Variants in GRID2 observed in about 807,000 individuals in gnomAD.
The protein encoded by GRID2 is glutamate ionotropic receptor delta type subunit 2.
GRID2 carries 33 observed loss-of-function variants against 114.8 expected under a neutral mutation model. That is an observed-to-expected ratio of 0.29 (90% confidence interval 0.22 to 0.38). The LOEUF is 0.38. Ranked by LOEUF, GRID2 falls within the 10% of genes least tolerant of loss-of-function variation. The probability of loss-of-function intolerance (pLI) is 1.00; values close to 1 mark genes in which losing one functional copy is unlikely to be tolerated. For missense variants in GRID2, 1,184 were observed against 1,257.7 expected, an observed-to-expected ratio of 0.94 and a Z score of 0.89; for synonymous variants, 505 against 449.9, an observed-to-expected ratio of 1.12 and a Z score of -1.55.
chr4:92,503,764 T>A (rs1289672706), intron 1 of GRID2, among the ~76,000 whole-genome samples: 2 of 152,134 alleles, frequency 1.3e-5, no homozygotes, highest in Non-Finnish European at 2.9e-5. Context: ...TTTCCTACTT[T>A]ATAAAGCTAG....
At chr4:92,667,477 A>G (rs1560521241) in intron 2 of GRID2, among the ~76,000 whole-genome samples, 1 of 150,376 alleles carries the variant, frequency 6.6e-6, no homozygotes, top group Non-Finnish European at 1.5e-5. Flanking sequence ...GATACACATT[A>G]TTTTTAATTT....
At chr4:92,667,279 T>A (rs1732836872) in intron 2 of GRID2, among the ~76,000 whole-genome samples, 1 of 151,620 alleles carries the variant, frequency 6.6e-6, no homozygotes, top group South Asian at 2.1e-4. Context: ...AGAATTCTCT[T>A]ATTTTGAGTT....
At chr4:93,331,695 CA>C (rs1180815123) in intron 8 of GRID2, among the ~76,000 whole-genome samples, 1 of 152,000 alleles carries the variant, frequency 6.6e-6, no homozygotes, top group Non-Finnish European at 1.5e-5. Context: ...GTTAATATAG[CA>C]AAATGCATTA....
intron 10 of GRID2, among the ~76,000 whole-genome samples, chr4:93,447,497 A>G (rs1389990545): frequency 6.6e-6 from 1 of 152,010 alleles, no homozygotes; most frequent in East Asian, 1.9e-4. Flanking sequence ...CACAATTAAG[A>G]AAAATTTTCA....
chr4:92,416,763 G>T (rs1344698249), intron 1 of GRID2, among the ~76,000 whole-genome samples: 5 of 151,864 alleles, frequency 3.3e-5, no homozygotes, highest in Non-Finnish European at 5.9e-5. Flanking sequence ...ATTGGTCTAG[G>T]TGCCTATTTT....
chr4:93,429,645 A>G (rs367559143), intron 10 of GRID2, among the ~76,000 whole-genome samples: 5 of 152,342 alleles, frequency 3.3e-5, no homozygotes, highest in African/African-American at 1.2e-4. Context: ...CAAGGAAAAT[A>G]GATCCAACAA....
intron 2 of GRID2, among the ~76,000 whole-genome samples, chr4:92,835,319 G>A (rs1742380537): frequency 6.6e-6 from 1 of 152,064 alleles, no homozygotes; most frequent in Non-Finnish European, 1.5e-5. Context: ...ATTTTTGGAG[G>A]CTGCATAAGA....
chr4:93,672,151 G>A (rs1724478552), intron 14 of GRID2, among the ~76,000 whole-genome samples: 1 of 152,134 alleles, frequency 6.6e-6, no homozygotes. Flanking sequence ...GATCCAGCAG[G>A]AGCCTGTGCC....
intron 10 of GRID2, among the ~76,000 whole-genome samples, chr4:93,447,548 T>C (rs1307033909): frequency 2.0e-5 from 3 of 151,944 alleles, no homozygotes; most frequent in Non-Finnish European, 2.9e-5. Flanking sequence ...ATCGTAATTA[T>C]TTGAAAGAAA....
At chr4:92,896,569 T>C (rs143124313) in intron 2 of GRID2, among the ~76,000 whole-genome samples, 1 of 150,802 alleles carries the variant, frequency 6.6e-6, no homozygotes, top group East Asian at 1.9e-4. Flanking sequence ...TATATATATA[T>C]ATATAGTCAA....
chr4:93,346,986 C>T (rs1760304996), intron 8 of GRID2, among the ~76,000 whole-genome samples: 1 of 152,144 alleles, frequency 6.6e-6, no homozygotes. Flanking sequence ...CTGCTCCTAT[C>T]AGAGACCATC....
chr4:93,416,650 A>G (rs1767740439), intron 9 of GRID2, among the ~76,000 whole-genome samples: 1 of 152,090 alleles, frequency 6.6e-6, no homozygotes, highest in Admixed American at 6.6e-5. Flanking sequence ...TCACTAGCAA[A>G]CAATATTACT....
intron 8 of GRID2, among the ~76,000 whole-genome samples, chr4:93,317,014 C>T (rs2149201258): frequency 6.6e-6 from 1 of 152,200 alleles, no homozygotes; most frequent in South Asian, 2.1e-4. Context: ...AAGTCTAAAG[C>T]TCATTACCTT....
At chr4:93,054,381 A>C (rs1727026281) in intron 2 of GRID2, among the ~76,000 whole-genome samples, 1 of 151,746 alleles carries the variant, frequency 6.6e-6, no homozygotes, top group South Asian at 2.1e-4. Context: ...AAACTAGCAC[A>C]GTAGGAAATA....
At chr4:92,790,868 G>A (rs945271809) in intron 2 of GRID2, among the ~76,000 whole-genome samples, 1 of 151,802 alleles carries the variant, frequency 6.6e-6, no homozygotes, top group Non-Finnish European at 1.5e-5. Flanking sequence ...AAGCATTAGA[G>A]TGAAGGGGCA....
chr4:93,177,834 G>A, intron 4 of GRID2, among the ~76,000 whole-genome samples: 1 of 151,674 alleles, frequency 6.6e-6, no homozygotes, highest in East Asian at 1.9e-4. Context: ...TTTAGCAACT[G>A]CAAACATTTT....
At chr4:93,317,180 C>G (rs925187899) in intron 8 of GRID2, among the ~76,000 whole-genome samples, 5 of 151,996 alleles carry the variant, frequency 3.3e-5, no homozygotes, top group African/African-American at 1.2e-4. Context: ...TTATTGCACA[C>G]CAGATGGAAT....
In GRID2 at chr4:92,443,980, T is replaced by C. The variant is rs562696228; in HGVS notation, c.88+139236T>C. On this transcript the variant is annotated intron_variant, in intron 1 of 15. Transcript: ENST00000282020. ...AATTGAAATTAAGAGATGGGAGAGATTGAAGAGTGGAAAGGAGAAAGTGGT... is the reference window on the plus strand; with the variant it reads ...AATTGAAATTAAGAGATGGGAGAGACTGAAGAGTGGAAAGGAGAAAGTGGT... 1.4e-4 allele frequency among the ~76,000 whole-genome samples: 22 copies of C among 152,052 alleles called. No individual in the cohort carries two copies. The South Asian group carries it at 4.6e-3, about 32-fold the overall frequency.
chr4:93,002,143 A>G (rs1721053746), intron 2 of GRID2, among the ~76,000 whole-genome samples: 1 of 151,768 alleles, frequency 6.6e-6, no homozygotes. Context: ...ATAGTATGGA[A>G]GAGTGACTAT....
Sources: allele counts gnomAD v4.1 joint callset (sites outside exome capture counted in the v4.1 genomes callset), GRCh38; gene constraint gnomAD v4.1.1; transcripts MANE v1.5; gene names NCBI Gene and HGNC (gene_info 2026-07-23, HGNC 2026-07-21).